Variants in ARFIP1 observed in about 807,000 individuals in gnomAD.
ARFIP1 encodes the protein ARF interacting protein 1.
Under a neutral mutation model 42.5 loss-of-function variants are expected in ARFIP1, and 24 were observed. The observed-to-expected ratio is 0.57, with a 90% CI of 0.41 to 0.80. The LOEUF (loss-of-function observed/expected upper bound fraction) is 0.80. ARFIP1 is among the 30% of genes least tolerant of loss of function. ARFIP1 has a pLI of 0.00. For synonymous variants in ARFIP1, 141 were observed against 153.7 expected (o/e 0.92, Z 0.61); for missense variants, 354 against 434.0 (o/e 0.82, Z 1.64).
chr4:152,888,789 A>G (rs986615948), intron 8 of ARFIP1, among the ~76,000 whole-genome samples: 31 of 152,154 alleles, frequency 2.0e-4, no homozygotes, highest in Admixed American at 1.8e-3. Flanking sequence ...CATTTTTTTC[A>G]TATGTGAACA....
At chr4:152,884,265 A>G (rs538924352) in intron 7 of ARFIP1, among the ~76,000 whole-genome samples, 1 of 152,140 alleles carries the variant, frequency 6.6e-6, no homozygotes, top group East Asian at 1.9e-4. Context: ...AATCTCTTCA[A>G]TAACATTCTC....
At chr4:152,875,378 TAAAAAAAAAAAAAA>T (rs11302481) in intron 5 of ARFIP1, among the ~76,000 whole-genome samples, 1 of 100,162 alleles carries the variant, frequency 1.0e-5, no homozygotes, top group Non-Finnish European at 2.2e-5. Context: ...TCTTTTTTTA[TAAAAAAAAAAAAAA>T]AAAAAAAAAG....
At chr4:152,822,865 A>G (rs1035883169) in intron 1 of ARFIP1, among the ~76,000 whole-genome samples, 4 of 152,230 alleles carry the variant, frequency 2.6e-5, no homozygotes, top group Non-Finnish European at 5.9e-5. Context: ...GCAGTGAATG[A>G]TAACAGTGAA....
At chr4:152,879,372 A>G (rs977069905) in intron 5 of ARFIP1, among the ~76,000 whole-genome samples, 14 of 152,186 alleles carry the variant, frequency 9.2e-5, no homozygotes, top group Admixed American at 2.0e-4. Flanking sequence ...AATATCTGAG[A>G]TTGTATATGT....
intron 8 of ARFIP1, among the ~76,000 whole-genome samples, chr4:152,901,828 T>G (rs1737862257): frequency 1.3e-5 from 2 of 152,234 alleles, no homozygotes; most frequent in Admixed American, 6.5e-5. Context: ...TTAGCAAGAA[T>G]TAACTTTTAT....
At chr4:152,828,072 T>G (rs1279591879) in intron 1 of ARFIP1, among the ~76,000 whole-genome samples, 1 of 152,240 alleles carries the variant, frequency 6.6e-6, no homozygotes, top group Non-Finnish European at 1.5e-5. Flanking sequence ...TCCATTTATG[T>G]ATGTACCACA....
chr4:152,898,368 T>G (rs78343255), intron 8 of ARFIP1, among the ~76,000 whole-genome samples: 1 of 152,208 alleles, frequency 6.6e-6, no homozygotes, highest in Non-Finnish European at 1.5e-5. Context: ...CCATGACTTA[T>G]CTATACTTTG....
At chr4:152,800,290 T>A (rs1414414463) in intron 1 of ARFIP1, among the ~76,000 whole-genome samples, 3 of 152,156 alleles carry the variant, frequency 2.0e-5, no homozygotes, top group Admixed American at 1.3e-4. Context: ...GCAACATTCA[T>A]TGAGGGCCTA....
At chr4:152,801,908 A>G (rs1200196179) in intron 1 of ARFIP1, among the ~76,000 whole-genome samples, 2 of 152,202 alleles carry the variant, frequency 1.3e-5, no homozygotes, top group Admixed American at 6.6e-5. Context: ...AAAGTTATAC[A>G]AGTAAAGTGA....
At chr4:152,902,385 C>T (rs1295471571) in intron 8 of ARFIP1, among the ~76,000 whole-genome samples, 15 of 152,066 alleles carry the variant, frequency 9.9e-5, no homozygotes, top group Admixed American at 9.8e-4. Context: ...ACCATTATTC[C>T]TAGTTATTCA....
chr4:152,801,997 T>G (rs1430015968), intron 1 of ARFIP1, among the ~76,000 whole-genome samples: 1 of 152,210 alleles, frequency 6.6e-6, no homozygotes, highest in African/African-American at 2.4e-5. Flanking sequence ...GCAATTTCAT[T>G]AAGTAGGCTT....
intron 2 of ARFIP1, among the ~76,000 whole-genome samples, chr4:152,839,144 G>A (rs981150715): frequency 4.6e-5 from 7 of 152,098 alleles, no homozygotes; most frequent in Non-Finnish European, 8.8e-5. Flanking sequence ...CTTGATCATG[G>A]TGGATTATCA....
intron 2 of ARFIP1, among the ~76,000 whole-genome samples, chr4:152,857,935 A>T (rs1274567226): frequency 1.3e-5 from 2 of 152,176 alleles, no homozygotes; most frequent in Non-Finnish European, 2.9e-5. Context: ...CTGCCGTGTC[A>T]GTAGTGACTA....
At chr4:152,791,581 GT>G (rs1731148123) in intron 1 of ARFIP1, among the ~76,000 whole-genome samples, 1 of 152,028 alleles carries the variant, frequency 6.6e-6, no homozygotes, top group Non-Finnish European at 1.5e-5. Context: ...AATCCAGTAG[GT>G]TTCTGGATTT....
intron 2 of ARFIP1, among the ~76,000 whole-genome samples, chr4:152,832,328 A>G (rs1731317972): frequency 6.6e-6 from 1 of 152,232 alleles, no homozygotes; most frequent in South Asian, 2.1e-4. Flanking sequence ...TTCCCTGATG[A>G]CTATGATGTT....
rs1561108276 is a variant in ARFIP1, at chr4:152,804,199, C to CATAAG, written c.-10+23975_-10+23976insAAGAT. Among the ~76,000 whole-genome samples, 75 of 34,366 alleles carry CATAAG rather than the reference C, an allele frequency of 2.2e-3. 5 individuals are homozygous for CATAAG. The highest frequency in any genetic ancestry group is 3.1e-3 in the South Asian group (4 of 1,306). 22.5% of individuals were successfully genotyped at this position (34,366 alleles called of 152,430 possible). On this transcript the variant is annotated intron_variant, in intron 1 of 8. Transcript: ENST00000353617. ...GTATTATATATTATATATAATATAA[C>CATAAG]ATGTATTATATATTATATATAATAT...
At chr4:152,814,084 CT>C (rs1245200199) in intron 1 of ARFIP1, among the ~76,000 whole-genome samples, 1 of 106,266 alleles carries the variant, frequency 9.4e-6, no homozygotes, top group Non-Finnish European at 1.9e-5. Context: ...CTTCTGTCTT[CT>C]TTCTTCTTCT....
intron 8 of ARFIP1, among the ~76,000 whole-genome samples, chr4:152,897,983 CTTTTTTTTT>C (rs766083303): frequency 8.2e-6 from 1 of 121,476 alleles, no homozygotes; most frequent in Admixed American, 8.9e-5. Context: ...TTGCAATGTT[CTTTTTTTTT>C]TTTTTTTTTT....
chr4:152,807,015 ATTATTT>A (rs1729041768), intron 1 of ARFIP1, among the ~76,000 whole-genome samples: 1 of 152,014 alleles, frequency 6.6e-6, no homozygotes, highest in Non-Finnish European at 1.5e-5. Flanking sequence ...AATAAAAAAA[ATTATTT>A]TTAGAGAGCA....
Sources: gnomAD v4.1 joint callset for allele counts (sites outside exome capture counted in the v4.1 genomes callset) on GRCh38, gnomAD v4.1.1 for gene constraint, MANE v1.5 for transcripts, NCBI Gene and HGNC (gene_info 2026-07-23, HGNC 2026-07-21) for gene names.